The following CSMD3 variants were observed in gnomAD, a reference collection of about 807,000 sequenced individuals.
The protein encoded by CSMD3 is CUB and sushi domain-containing protein 3.
In CSMD3, 177 loss-of-function variants were observed where a neutral mutation model predicts 435.2. The observed-to-expected ratio is 0.41, with a 90% CI of 0.36 to 0.46. CSMD3 has a LOEUF of 0.46. CSMD3 is among the 20% of genes least tolerant of loss of function. CSMD3 has a pLI of 0.34. For synonymous variants in CSMD3, 1,656 were observed against 1,520.5 expected, an observed-to-expected ratio of 1.09 and a Z score of -2.07; for missense variants, 4,265 against 4,504.6, an observed-to-expected ratio of 0.95 and a Z score of 1.52.
intron 10 of CSMD3, among the ~76,000 whole-genome samples, chr8:112,918,555 A>T (rs1564103026): frequency 6.6e-6 from 1 of 152,000 alleles, no homozygotes; most frequent in Non-Finnish European, 1.5e-5. Flanking sequence ...TAAAATGAAC[A>T]TTCTACACAT....
intron 1 of CSMD3, among the ~76,000 whole-genome samples, chr8:113,427,065 A>G (rs1451594739): frequency 6.6e-6 from 1 of 151,502 alleles, no homozygotes; most frequent in Non-Finnish European, 1.5e-5. Flanking sequence ...AGGTTAAAAT[A>G]AAATTTCTGA....
intron 3 of CSMD3, among the ~76,000 whole-genome samples, chr8:113,174,245 A>C (rs1413251963): frequency 6.6e-6 from 1 of 152,192 alleles, no homozygotes; most frequent in Non-Finnish European, 1.5e-5. Flanking sequence ...TCAAAGTTAC[A>C]TTCTAATAAC....
intron 4 of CSMD3, among the ~76,000 whole-genome samples, chr8:113,165,141 A>G (rs976468231): frequency 6.6e-6 from 1 of 152,168 alleles, no homozygotes; most frequent in East Asian, 1.9e-4. Flanking sequence ...TGAAGCTGTC[A>G]ATATATTCTT....
chr8:112,924,016 C>T (rs2082829401), intron 9 of CSMD3, among the ~76,000 whole-genome samples: 1 of 138,312 alleles, frequency 7.2e-6, no homozygotes, highest in South Asian at 2.3e-4. Flanking sequence ...GTGATTGGAG[C>T]ACAGAAAATA....
At chr8:112,253,757 G>A (rs959432661) in intron 63 of CSMD3, among the ~76,000 whole-genome samples, 2 of 151,984 alleles carry the variant, frequency 1.3e-5, no homozygotes, top group African/African-American at 4.8e-5. Context: ...TATAGCAACA[G>A]GTTCTGGTTA....
Position 113,246,999 on chromosome 8 carries a change from T to C in CSMD3, c.514+31593A>G, listed in dbSNP as rs561671239. ...CCTGCTGGTGGAGGACCAGAAGTAG[T>C]AAGGGTTTGGAGTTTTCTAAGGTAT... On this transcript the variant is annotated intron_variant, in intron 3 of 70. Coordinates refer to ENST00000297405, the MANE Select transcript of CSMD3 (RefSeq NM_198123.2). Among the ~76,000 whole-genome samples, 9 of 152,274 alleles carry C rather than the reference T, an allele frequency of 5.9e-5. No individual in the cohort carries two copies. In the South Asian group the frequency reaches 1.9e-3, roughly 32 times the overall value.
intron 5 of CSMD3, among the ~76,000 whole-genome samples, chr8:113,063,579 G>C (rs2088710675): frequency 6.6e-6 from 1 of 151,878 alleles, no homozygotes. Context: ...TAAGCACACT[G>C]TTCAGGGATA....
intron 1 of CSMD3, among the ~76,000 whole-genome samples, chr8:113,414,840 A>G (rs1156612434): frequency 1.3e-5 from 2 of 151,898 alleles, no homozygotes; most frequent in Non-Finnish European, 2.9e-5. Context: ...GGTGGCATGC[A>G]CTTGTAGTCC....
Position 113,099,738 on chromosome 8 carries a change from C to T in CSMD3, c.710-775G>A, listed in dbSNP as rs193071463. Among the ~76,000 whole-genome samples, 314 of 152,006 alleles carry T rather than the reference C, an allele frequency of 2.1e-3. 4 individuals are homozygous for T. The highest frequency in any genetic ancestry group is 0.018 in the Admixed American group (276 of 15,226). On this transcript the variant is annotated intron_variant, in intron 4 of 70. Coordinates refer to ENST00000297405, the MANE Select transcript of CSMD3 (RefSeq NM_198123.2). ...TTTGGCTGATGGTAGGAACTAGCAG[C>T]GTGGTTATATGAGTAGCTGTGTTTG...
intron 17 of CSMD3, 85 bp from the exon 18 acceptor site, chr8:112,656,426 T>TAGGA: frequency 1.0e-6 from 1 of 997,778 alleles, no homozygotes; most frequent in Non-Finnish European, 1.5e-6. Flanking sequence ...TTTAAATTCC[T>TAGGA]ATTTAAAATT....
At chr8:112,247,163 T>C (rs1563684563) in intron 63 of CSMD3, 32 bp from the exon 64 acceptor site, 1 of 1,366,946 alleles carries the variant, frequency 7.3e-7, no homozygotes, top group South Asian at 1.2e-5. Context: ...AAAAAAATAT[T>C]CCCCTACAAC....
chr8:113,001,245 C>T (rs905253848), intron 6 of CSMD3, among the ~76,000 whole-genome samples: 1 of 151,980 alleles, frequency 6.6e-6, no homozygotes, highest in African/African-American at 2.4e-5. Flanking sequence ...AACATATTTT[C>T]CCTCTCTCCT....
chr8:112,903,170 A>G (rs1015502560), intron 10 of CSMD3, among the ~76,000 whole-genome samples: 2 of 150,230 alleles, frequency 1.3e-5, no homozygotes, highest in Non-Finnish European at 3.0e-5. Flanking sequence ...AAAAAAAAAA[A>G]AAAAAGAAAA....
At chr8:112,771,866 T>A (rs2132200364) in intron 13 of CSMD3, among the ~76,000 whole-genome samples, 1 of 152,168 alleles carries the variant, frequency 6.6e-6, no homozygotes, top group Non-Finnish European at 1.5e-5. Context: ...ACAACAATAT[T>A]GTGGTAAATC....
intron 22 of CSMD3, among the ~76,000 whole-genome samples, chr8:112,613,400 T>C (rs965370072): frequency 6.6e-6 from 1 of 152,186 alleles, no homozygotes; most frequent in Non-Finnish European, 1.5e-5. Context: ...TTTTATTTTA[T>C]ATTAATTTAA....
At chr8:113,244,927 CCT>C (rs1366716845) in intron 3 of CSMD3, among the ~76,000 whole-genome samples, 1 of 151,906 alleles carries the variant, frequency 6.6e-6, no homozygotes, top group African/African-American at 2.4e-5. Context: ...TTATATTGTT[CCT>C]GTTACCTTTC....
chr8:112,914,535 T>C (rs1432921705), intron 10 of CSMD3, among the ~76,000 whole-genome samples: 1 of 151,578 alleles, frequency 6.6e-6, no homozygotes, highest in African/African-American at 2.4e-5. Context: ...CATGCCTTAA[T>C]ATGAGGAAAG....
chr8:112,394,811 A>G (rs1830729827), intron 35 of CSMD3, among the ~76,000 whole-genome samples: 1 of 152,216 alleles, frequency 6.6e-6, no homozygotes, highest in South Asian at 2.1e-4. Context: ...TGTAAAATGT[A>G]AATGCAAAAT....
At chr8:113,346,415 A>G (rs1003862249) in intron 1 of CSMD3, among the ~76,000 whole-genome samples, 3 of 152,180 alleles carry the variant, frequency 2.0e-5, no homozygotes, top group African/African-American at 4.8e-5. Flanking sequence ...AGCAATTAAA[A>G]TTGAGGAATC....
Sources: allele counts gnomAD v4.1 joint callset (sites outside exome capture counted in the v4.1 genomes callset), GRCh38; gene constraint gnomAD v4.1.1; transcripts MANE v1.5; gene names NCBI Gene and HGNC (gene_info 2026-07-23, HGNC 2026-07-21).